Variants in PCSK2 observed in about 807,000 individuals in gnomAD.
PCSK2 encodes the protein neuroendocrine convertase 2.
Under a neutral mutation model 69.7 loss-of-function variants are expected in PCSK2, and 14 were observed. The ratio of observed to expected loss-of-function variants is 0.20; its 90% confidence interval spans 0.13 to 0.31. PCSK2 has a LOEUF of 0.31. Among genes scored for constraint, PCSK2 ranks in the 10% least tolerant of loss-of-function variants. The probability of loss-of-function intolerance (pLI) is 1.00; values close to 1 mark genes in which losing one functional copy is unlikely to be tolerated. For synonymous variants in PCSK2, 307 were observed against 320.7 expected (o/e 0.96, Z 0.46); for missense variants, 544 against 842.5 (o/e 0.65, Z 4.39).
At chr20:17,430,067 C>G (rs1026574216) in intron 7 of PCSK2, among the ~76,000 whole-genome samples, 1 of 152,154 alleles carries the variant, frequency 6.6e-6, no homozygotes, top group Non-Finnish European at 1.5e-5. Flanking sequence ...CACAATGGAA[C>G]TCATCTTTAA....
At chr20:17,406,314 A>G (rs562478289) in intron 5 of PCSK2, among the ~76,000 whole-genome samples, 164 of 152,324 alleles carry the variant, frequency 1.1e-3, no homozygotes, top group African/African-American at 3.8e-3. Context: ...AAACCATTTG[A>G]TTTTTAGCCA....
At chr20:17,386,631 G>A (rs2031241066) in intron 5 of PCSK2, among the ~76,000 whole-genome samples, 1 of 152,162 alleles carries the variant, frequency 6.6e-6, no homozygotes, top group South Asian at 2.1e-4. Flanking sequence ...GCCAGGGTCT[G>A]GGTTGAGGGG....
intron 10 of PCSK2, chr20:17,464,621 GT>G (rs1319937119): frequency 2.6e-5 from 4 of 152,122 alleles, no homozygotes; most frequent in African/African-American, 4.8e-5. Context: ...AGTCATTCTT[GT>G]TTTTATATTT....
chr20:17,305,444 A>G (rs1989296392), intron 2 of PCSK2, among the ~76,000 whole-genome samples: 1 of 152,182 alleles, frequency 6.6e-6, no homozygotes, highest in Non-Finnish European at 1.5e-5. Context: ...GGAGGGAAGA[A>G]GGGAAGGAAT....
At chr20:17,390,744 G>T (rs2031350669) in intron 5 of PCSK2, among the ~76,000 whole-genome samples, 1 of 152,102 alleles carries the variant, frequency 6.6e-6, no homozygotes, top group East Asian at 1.9e-4. Context: ...TCATCAAAAA[G>T]ATTCAAACAT....
intron 1 of PCSK2, 59 bp downstream of exon 1, chr20:17,227,541 C>A: frequency 7.4e-7 from 1 of 1,344,192 alleles, no homozygotes; most frequent in Non-Finnish European, 1.1e-6. Flanking sequence ...GGGGGCAGCC[C>A]TGCGCAATCT....
At chr20:17,375,187 A>G (rs932412107) in intron 5 of PCSK2, among the ~76,000 whole-genome samples, 2 of 152,116 alleles carry the variant, frequency 1.3e-5, no homozygotes, top group Non-Finnish European at 2.9e-5. Context: ...ACGTTGCACA[A>G]TTTCGGGTTG....
Position 17,237,020 on chromosome 20 carries a change from G to A in PCSK2, c.177+9538G>A, listed in dbSNP as rs551712521. Among the ~76,000 whole-genome samples, 16 of 152,240 alleles carry A rather than the reference G, an allele frequency of 1.1e-4. No individual in the cohort carries two copies. In the South Asian group the frequency reaches 3.3e-3, roughly 32 times the overall value. ...CTGGGCAGTACTGCAGAGGCAAGTG[G>A]GAAAGAATGGATTTATGGTGGCACC... On this transcript the variant is annotated intron_variant, in intron 1 of 11. Coordinates refer to ENST00000262545, the MANE Select transcript of PCSK2 (RefSeq NM_002594.5).
chr20:17,309,579 A>C (rs1406307675), intron 2 of PCSK2, among the ~76,000 whole-genome samples: 3 of 152,146 alleles, frequency 2.0e-5, no homozygotes, highest in Non-Finnish European at 4.4e-5. Flanking sequence ...GCACTTTGGG[A>C]GGCCAAAGTG....
At chr20:17,468,645 T>G (rs975876077) in intron 11 of PCSK2, among the ~76,000 whole-genome samples, 11 of 148,508 alleles carry the variant, frequency 7.4e-5, no homozygotes, top group African/African-American at 2.0e-4. Context: ...TAGCCCACTA[T>G]AGGTGAGCAT....
At chr20:17,305,690 A>C (rs971645407) in intron 2 of PCSK2, among the ~76,000 whole-genome samples, 3 of 152,260 alleles carry the variant, frequency 2.0e-5, no homozygotes, top group Non-Finnish European at 4.4e-5. Flanking sequence ...GACAATAAAA[A>C]ACATAAACAC....
intron 5 of PCSK2, among the ~76,000 whole-genome samples, chr20:17,390,167 C>G (rs537663396): frequency 3.3e-5 from 5 of 152,306 alleles, no homozygotes; most frequent in Non-Finnish European, 7.3e-5. Context: ...CATATACTCT[C>G]TGGTTCCATT....
chr20:17,373,316 CAG>C (rs1297633365), intron 5 of PCSK2, among the ~76,000 whole-genome samples: 11 of 152,134 alleles, frequency 7.2e-5, no homozygotes, highest in African/African-American at 2.4e-4. Context: ...ATATGTGAGC[CAG>C]AGTGATCCCC....
At chr20:17,418,515 G>A (rs1268561253) in intron 6 of PCSK2, among the ~76,000 whole-genome samples, 2 of 152,188 alleles carry the variant, frequency 1.3e-5, no homozygotes, top group Non-Finnish European at 2.9e-5. Context: ...CCGCAAGTGA[G>A]GTGGAGCATA....
At chr20:17,328,349 A>G (rs1469419877) in intron 2 of PCSK2, among the ~76,000 whole-genome samples, 1 of 149,514 alleles carries the variant, frequency 6.7e-6, no homozygotes, top group Non-Finnish European at 1.5e-5. Flanking sequence ...TACACATACC[A>G]TATGCAATAT....
intron 1 of PCSK2, among the ~76,000 whole-genome samples, chr20:17,241,824 A>G (rs1158065339): frequency 6.6e-6 from 1 of 152,216 alleles, no homozygotes; most frequent in East Asian, 1.9e-4. Flanking sequence ...AAAAGAAAGA[A>G]CAGTGGTGTA....
At chr20:17,465,637 C>T in intron 11 of PCSK2, 84 bp downstream of exon 11, 1 of 824,172 alleles carries the variant, frequency 1.2e-6, no homozygotes, top group Non-Finnish European at 1.9e-6. Flanking sequence ...ATCACATTCC[C>T]TCTTCATGTT....
chr20:17,408,523 T>G (rs962867411), intron 5 of PCSK2, among the ~76,000 whole-genome samples: 8 of 152,204 alleles, frequency 5.3e-5, no homozygotes, highest in African/African-American at 1.4e-4. Flanking sequence ...TTTGACCATA[T>G]GCTGTAGGGC....
At chr20:17,480,436 G>A (rs1036777489) in intron 11 of PCSK2, among the ~76,000 whole-genome samples, 3 of 152,066 alleles carry the variant, frequency 2.0e-5, no homozygotes, top group Non-Finnish European at 4.4e-5. Context: ...TGATCCGCCC[G>A]CCTCGGCCTC....
Sources: gnomAD v4.1 joint callset for allele counts (sites outside exome capture counted in the v4.1 genomes callset) on GRCh38, gnomAD v4.1.1 for gene constraint, MANE v1.5 for transcripts, NCBI Gene and HGNC (gene_info 2026-07-23, HGNC 2026-07-21) for gene names.